Variants in CLVS1 observed in about 807,000 individuals in gnomAD.
CLVS1 encodes clavesin-1.
Under a neutral mutation model 33.1 loss-of-function variants are expected in CLVS1, and 10 were observed. That is an observed-to-expected ratio of 0.30 (90% CI 0.19 to 0.51). The LOEUF (loss-of-function observed/expected upper bound fraction) is 0.51, where lower values mean the gene tolerates loss of function less well. Ranked by LOEUF, CLVS1 falls within the 20% of genes least tolerant of loss-of-function variation. The probability of loss-of-function intolerance (pLI) is 0.97; values close to 1 mark genes in which losing one functional copy is unlikely to be tolerated. For synonymous variants in CLVS1, 163 were observed against 166.1 expected (o/e 0.98, Z 0.14); for missense variants, 343 against 433.4 (o/e 0.79, Z 1.85).
intron 1 of CLVS1, among the ~76,000 whole-genome samples, chr8:61,295,757 ATT>A (rs1810174835): frequency 6.6e-6 from 1 of 152,124 alleles, no homozygotes. Context: ...TGTCTGTGTA[ATT>A]TGGGGCAATC....
At chr8:61,183,236 A>C (rs1452542647) in intron 2 of CLVS1, among the ~76,000 whole-genome samples, 3 of 152,212 alleles carry the variant, frequency 2.0e-5, no homozygotes. Flanking sequence ...TGATGGGTTC[A>C]TAGGTTCAGC....
intron 2 of CLVS1, among the ~76,000 whole-genome samples, chr8:61,373,636 G>C (rs1296692612): frequency 6.6e-6 from 1 of 152,190 alleles, no homozygotes; most frequent in East Asian, 1.9e-4. Context: ...TCAACTAAAA[G>C]TGCTCTCCCA....
At chr8:61,170,334 C>A (rs1344944325) in intron 2 of CLVS1, among the ~76,000 whole-genome samples, 1 of 152,134 alleles carries the variant, frequency 6.6e-6, no homozygotes, top group Admixed American at 6.6e-5. Flanking sequence ...CTTTCTCCCC[C>A]TCTCTTTCCG....
At chr8:61,246,167 CTTTTTTTTTTTTT>C (rs1188366643) in intron 2 of CLVS1, among the ~76,000 whole-genome samples, 2 of 82,210 alleles carry the variant, frequency 2.4e-5, no homozygotes, top group Non-Finnish European at 4.6e-5. Flanking sequence ...TCCTTCCCAA[CTTTTTTTTTTTTT>C]TTTTTTTTTT....
intron 2 of CLVS1, among the ~76,000 whole-genome samples, chr8:61,334,908 T>C (rs1170727726): frequency 6.6e-6 from 1 of 152,170 alleles, no homozygotes; most frequent in East Asian, 1.9e-4. Flanking sequence ...GACCAGAGTT[T>C]TATTATTACT....
At chr8:61,371,037 G>A (rs965640144) in intron 2 of CLVS1, among the ~76,000 whole-genome samples, 92 of 152,130 alleles carry the variant, frequency 6.0e-4, no homozygotes, top group African/African-American at 2.1e-3. Context: ...GGATCAAATG[G>A]TAGATCTACT....
chr8:61,135,095 C>T (rs565405482), intron 2 of CLVS1, among the ~76,000 whole-genome samples: 1 of 151,454 alleles, frequency 6.6e-6, no homozygotes, highest in East Asian at 1.9e-4. Flanking sequence ...GAGATGGAAA[C>T]AGGAACAGTT....
chr8:61,315,712 A>G (rs57118166), intron 2 of CLVS1, among the ~76,000 whole-genome samples: 1 of 151,950 alleles, frequency 6.6e-6, no homozygotes, highest in Non-Finnish European at 1.5e-5. Flanking sequence ...AATAAGTGGC[A>G]CCCCTTAACC....
intron 1 of CLVS1, among the ~76,000 whole-genome samples, chr8:61,117,784 T>C (rs958707968): frequency 4.6e-5 from 7 of 152,262 alleles, no homozygotes; most frequent in Non-Finnish European, 1.0e-4. Context: ...CAGTATTTTA[T>C]TGAGGATTTT....
intron 1 of CLVS1, among the ~76,000 whole-genome samples, chr8:61,125,241 C>T (rs1020506809): frequency 1.6e-4 from 24 of 152,158 alleles, no homozygotes; most frequent in African/African-American, 3.1e-4. Flanking sequence ...CCCCTTTCCT[C>T]GCTTTGGTTG....
intron 5 of CLVS1, among the ~76,000 whole-genome samples, chr8:61,492,809 T>C (rs927899084): frequency 2.0e-5 from 3 of 152,204 alleles, no homozygotes; most frequent in Non-Finnish European, 4.4e-5. Context: ...GATTTGCTGC[T>C]TAGGCTTCTC....
At chr8:61,025,646 G>A in the CLVS1 span, among the ~76,000 whole-genome samples, 1 of 152,172 alleles carries the variant, frequency 6.6e-6, no homozygotes, top group African/African-American at 2.4e-5. Context: ...TGTTGTTCAT[G>A]TTGTTTTTGC....
rs547747680 is a variant in CLVS1, at chr8:61,067,038, C to A, written c.-243+9808C>A. Among the ~76,000 whole-genome samples, 6 of 151,774 alleles carry A rather than the reference C, an allele frequency of 4.0e-5. No homozygotes were observed. The South Asian group carries it at 1.3e-3, about 32-fold the overall frequency. On this transcript the variant is annotated intron_variant, in intron 1 of 2. Transcript: ENST00000522621. ...AGGAGCCATAAATGGGGGGGGAGGG[C>A]AATGATGTTCAACCTTGAAAGGAAT...
rs1467611340 is a variant in CLVS1 at position 61,500,382 on chromosome 8, G to GA, written c.*844dup. On this transcript the variant is annotated 3_prime_UTR_variant, in exon 6 of 6. Coordinates refer to ENST00000325897, the MANE Select transcript of CLVS1 (RefSeq NM_173519.3). ...GCCTCAACTGGGTCACTACAGCAAA[G>GA]AAAAGTGCTATCAAACCATTTACCC... The GA allele has an allele frequency of 1.3e-5, 2 of 152,034 alleles. No homozygotes were observed. The highest frequency in any genetic ancestry group is 2.9e-5 in the Non-Finnish European group (2 of 67,946). 9.4% of individuals were successfully genotyped at this position (152,034 alleles called of 1,614,324 possible). A position where few individuals can be genotyped will look rare whatever the true frequency, so the allele number is the denominator to read the frequency against.
At chr8:61,413,464 G>A (rs1206465379) in intron 3 of CLVS1, among the ~76,000 whole-genome samples, 1 of 152,078 alleles carries the variant, frequency 6.6e-6, no homozygotes, top group Non-Finnish European at 1.5e-5. Context: ...CAGAGATGGT[G>A]GGCTGGACAG....
chr8:61,039,579 G>T, the CLVS1 span, among the ~76,000 whole-genome samples: 8 of 151,888 alleles, frequency 5.3e-5, no homozygotes, highest in Admixed American at 5.2e-4. Context: ...GTCTTGGTCT[G>T]TCACCCAGGC....
intron 5 of CLVS1, among the ~76,000 whole-genome samples, chr8:61,494,150 A>C (rs946859302): frequency 2.0e-5 from 3 of 152,208 alleles, no homozygotes; most frequent in African/African-American, 7.2e-5. Context: ...TTCCATTTTC[A>C]TCTCGTTCTT....
intron 3 of CLVS1, among the ~76,000 whole-genome samples, chr8:61,420,142 G>C (rs1274061170): frequency 6.6e-6 from 1 of 152,166 alleles, no homozygotes; most frequent in Non-Finnish European, 1.5e-5. Context: ...TCCAAAGTTT[G>C]TAGGTCTTAG....
chr8:60,997,812 C>T, the CLVS1 span, among the ~76,000 whole-genome samples: 2 of 152,344 alleles, frequency 1.3e-5, no homozygotes, highest in Middle Eastern at 3.4e-3. Flanking sequence ...TGAGAAGAGC[C>T]TAAGACTTTT....
Sources: allele counts gnomAD v4.1 joint callset (sites outside exome capture counted in the v4.1 genomes callset), GRCh38; gene constraint gnomAD v4.1.1; transcripts MANE v1.5; gene names NCBI Gene and HGNC (gene_info 2026-07-23, HGNC 2026-07-21).